MGAT4C: variants seen among roughly 807,000 people sequenced by gnomAD.
MGAT4C encodes alpha-1,3-mannosyl-glycoprotein 4-beta-N-acetylglucosaminyltransferase C.
A neutral mutation model predicts 40.1 loss-of-function variants in MGAT4C; 19 were observed. That is an observed-to-expected ratio of 0.47 (90% CI 0.33 to 0.70). The LOEUF (loss-of-function observed/expected upper bound fraction) is 0.70. MGAT4C is among the 30% of genes least tolerant of loss of function. The probability of loss-of-function intolerance (pLI) is 0.02; values close to 1 mark genes in which losing one functional copy is unlikely to be tolerated. For synonymous variants in MGAT4C, 181 were observed against 187.1 expected (o/e 0.97, Z 0.27); for missense variants, 491 against 563.2 (o/e 0.87, Z 1.30).
At chr12:86,521,802 A>G (rs2046399007) in intron 2 of MGAT4C, among the ~76,000 whole-genome samples, 1 of 151,694 alleles carries the variant, frequency 6.6e-6, no homozygotes, top group Non-Finnish European at 1.5e-5. Context: ...GTAGTTCTCC[A>G]TGTAGAGATA....
intron 2 of MGAT4C, among the ~76,000 whole-genome samples, chr12:86,540,272 A>T (rs1258252059): frequency 6.6e-6 from 1 of 152,232 alleles, no homozygotes; most frequent in Non-Finnish European, 1.5e-5. Context: ...GGAGAAAGCC[A>T]GCAGCCCTAA....
intron 2 of MGAT4C, among the ~76,000 whole-genome samples, chr12:86,683,714 T>G (rs991757590): frequency 1.3e-5 from 2 of 152,194 alleles, no homozygotes; most frequent in Admixed American, 1.3e-4. Context: ...CCCAATCCCT[T>G]GAGAATTTCT....
chr12:86,112,586 T>C (rs865800519), intron 1 of MGAT4C, among the ~76,000 whole-genome samples: 11 of 151,782 alleles, frequency 7.2e-5, no homozygotes, highest in African/African-American at 2.7e-4. Flanking sequence ...GTTTCTACTA[T>C]ATGCTATTTA....
At chr12:86,088,400 A>G (rs763591865) in intron 1 of MGAT4C, among the ~76,000 whole-genome samples, 3 of 152,140 alleles carry the variant, frequency 2.0e-5, no homozygotes, top group Non-Finnish European at 4.4e-5. Flanking sequence ...CTTCTTCTGC[A>G]CAGCAAAAGA....
chr12:86,351,122 T>C (rs897231008), intron 3 of MGAT4C, among the ~76,000 whole-genome samples: 1 of 151,980 alleles, frequency 6.6e-6, no homozygotes, highest in African/African-American at 2.4e-5. Flanking sequence ...TACAATACTT[T>C]CATTTCTAAG....
chr12:86,043,651 T>G (rs1892092179), intron 2 of MGAT4C, among the ~76,000 whole-genome samples: 1 of 152,194 alleles, frequency 6.6e-6, no homozygotes, highest in Non-Finnish European at 1.5e-5. Context: ...GGAACAATAC[T>G]TTACATCCTT....
At chr12:86,297,746 A>C (rs1953715489) in intron 4 of MGAT4C, among the ~76,000 whole-genome samples, 2 of 152,282 alleles carry the variant, frequency 1.3e-5, no homozygotes, top group Admixed American at 1.3e-4. Flanking sequence ...AACCCAATGC[A>C]ATTTTAACAA....
chr12:86,204,872 C>G (rs1186060000), intron 1 of MGAT4C, among the ~76,000 whole-genome samples: 9 of 151,944 alleles, frequency 5.9e-5, no homozygotes, highest in Admixed American at 3.9e-4. Context: ...CAAAAACATA[C>G]AGATACACAG....
At chr12:86,297,465 A>G (rs1953709257) in intron 4 of MGAT4C, among the ~76,000 whole-genome samples, 1 of 152,240 alleles carries the variant, frequency 6.6e-6, no homozygotes, top group Non-Finnish European at 1.5e-5. Context: ...ATTTTATTTA[A>G]ACTACATTTG....
intron 1 of MGAT4C, among the ~76,000 whole-genome samples, chr12:86,069,074 G>A (rs1048338613): frequency 4.6e-5 from 7 of 152,014 alleles, no homozygotes; most frequent in South Asian, 4.1e-4. Context: ...CTGCTGCTGC[G>A]GTGCCCTCAG....
At chr12:86,778,294 A>G (rs1421202883) in intron 1 of MGAT4C, among the ~76,000 whole-genome samples, 1 of 152,148 alleles carries the variant, frequency 6.6e-6, no homozygotes, top group Non-Finnish European at 1.5e-5. Flanking sequence ...AGATAACAAA[A>G]AAGGGAGAAT....
chr12:86,378,439 A>C (rs1955871431), intron 3 of MGAT4C, among the ~76,000 whole-genome samples: 1 of 152,218 alleles, frequency 6.6e-6, no homozygotes, highest in Non-Finnish European at 1.5e-5. Context: ...TTGTATAATA[A>C]GGTGGAACAA....
chr12:86,205,704 C>T (rs941112729), intron 1 of MGAT4C, among the ~76,000 whole-genome samples: 2 of 151,698 alleles, frequency 1.3e-5, no homozygotes, highest in Admixed American at 1.3e-4. Context: ...TGTACTTTAC[C>T]TAATTTATAA....
intron 4 of MGAT4C, among the ~76,000 whole-genome samples, chr12:86,267,849 A>G (rs1157204850): frequency 6.6e-6 from 1 of 152,184 alleles, no homozygotes; most frequent in Admixed American, 6.5e-5. Context: ...TATGGAATTC[A>G]TAGAATTATG....
intron 2 of MGAT4C, among the ~76,000 whole-genome samples, chr12:86,612,663 C>T (rs1962323925): frequency 6.6e-6 from 1 of 150,504 alleles, no homozygotes; most frequent in Non-Finnish European, 1.5e-5. Flanking sequence ...TCGCTTGAAT[C>T]CGGGAAGCGA....
At chr12:86,730,124 A>G (rs369091843) in intron 1 of MGAT4C, among the ~76,000 whole-genome samples, 3 of 151,892 alleles carry the variant, frequency 2.0e-5, no homozygotes, top group African/African-American at 7.3e-5. Context: ...CCAGATTTTC[A>G]TTAAAGAAGA....
intron 2 of MGAT4C, among the ~76,000 whole-genome samples, chr12:86,707,821 A>C: frequency 6.6e-6 from 1 of 152,138 alleles, no homozygotes; most frequent in Admixed American, 6.5e-5. Flanking sequence ...ATGAGCCTCC[A>C]TGCCTGACTT....
intron 2 of MGAT4C, among the ~76,000 whole-genome samples, chr12:86,514,273 G>A (rs982472817): frequency 4.6e-5 from 7 of 152,116 alleles, no homozygotes. Context: ...AGTCACTAAG[G>A]AAACAATCAA....
At chr12:85,999,271 G>T (rs1887006165) in intron 2 of MGAT4C, among the ~76,000 whole-genome samples, 1 of 152,012 alleles carries the variant, frequency 6.6e-6, no homozygotes, top group African/African-American at 2.4e-5. Context: ...GATGAGATTT[G>T]GGTGGGGACA....
Sources: allele counts gnomAD v4.1 joint callset (sites outside exome capture counted in the v4.1 genomes callset), GRCh38; gene constraint gnomAD v4.1.1; transcripts MANE v1.5; gene names NCBI Gene and HGNC (gene_info 2026-07-23, HGNC 2026-07-21).